The following CHRM3 variants were observed in gnomAD, a reference collection of about 807,000 sequenced individuals.
CHRM3 encodes muscarinic acetylcholine receptor M3.
Under a neutral mutation model 41.8 loss-of-function variants are expected in CHRM3, and 11 were observed. The ratio of observed to expected loss-of-function variants is 0.26; its 90% CI spans 0.17 to 0.44. CHRM3 has a LOEUF of 0.44. CHRM3 is among the 20% of genes least tolerant of loss of function. CHRM3 has a pLI of 1.00. For synonymous variants in CHRM3, 297 were observed against 301.4 expected (o/e 0.99, Z 0.15); for missense variants, 571 against 745.4 (o/e 0.77, Z 2.72).
chr1:239,904,945 T>C (rs1679856361), intron 6 of CHRM3, among the ~76,000 whole-genome samples: 1 of 152,240 alleles, frequency 6.6e-6, no homozygotes, highest in African/African-American at 2.4e-5. Context: ...ATAGGTATTA[T>C]GTGTATACAT....
At chr1:239,820,402 A>C (rs556577402) in intron 5 of CHRM3, among the ~76,000 whole-genome samples, 2 of 152,330 alleles carry the variant, frequency 1.3e-5, no homozygotes, top group East Asian at 3.9e-4. Context: ...GGTGTGTGAC[A>C]AAAAGTCTAT....
chr1:239,889,122 G>A (rs10802812), intron 6 of CHRM3, among the ~76,000 whole-genome samples: 49,543 of 152,010 alleles, frequency 0.33, 8,088 homozygotes, highest in South Asian at 0.37. Context: ...CTCTGCTGGA[G>A]AGAGGGGTCC....
chr1:239,657,355 T>C (rs1455178705), intron 4 of CHRM3, among the ~76,000 whole-genome samples: 1 of 152,198 alleles, frequency 6.6e-6, no homozygotes, highest in Non-Finnish European at 1.5e-5. Context: ...TTAATACTAT[T>C]TCACTCAGTT....
At chr1:239,881,790 C>A (rs1285066691) in intron 6 of CHRM3, among the ~76,000 whole-genome samples, 2 of 152,142 alleles carry the variant, frequency 1.3e-5, no homozygotes, top group Non-Finnish European at 2.9e-5. Context: ...TCCCTGCAAA[C>A]AGGGACAAAC....
chr1:239,823,922 C>T (rs771243808), intron 5 of CHRM3, among the ~76,000 whole-genome samples: 2 of 152,050 alleles, frequency 1.3e-5, no homozygotes, highest in Non-Finnish European at 2.9e-5. Context: ...TAATTGTGGG[C>T]GGAATTAGAT....
intron 2 of CHRM3, among the ~76,000 whole-genome samples, chr1:239,494,890 T>C (rs1194874623): frequency 1.3e-5 from 2 of 152,208 alleles, no homozygotes; most frequent in Non-Finnish European, 2.9e-5. Flanking sequence ...TTCCTTTTTA[T>C]GGCTGCATAG....
At chr1:239,519,527 C>A (rs535956883) in intron 2 of CHRM3, among the ~76,000 whole-genome samples, 1 of 152,164 alleles carries the variant, frequency 6.6e-6, no homozygotes, top group South Asian at 2.1e-4. Context: ...AGTTCTTTAA[C>A]TGGGTTAAGG....
intron 3 of CHRM3, among the ~76,000 whole-genome samples, chr1:239,617,479 C>G (rs1667761459): frequency 6.6e-6 from 1 of 152,154 alleles, no homozygotes; most frequent in African/African-American, 2.4e-5. Flanking sequence ...AATCCCAACA[C>G]TTTGAGAGGC....
chr1:239,675,622 T>C (rs1036572050), intron 4 of CHRM3, among the ~76,000 whole-genome samples: 2 of 152,228 alleles, frequency 1.3e-5, no homozygotes, highest in East Asian at 3.8e-4. Flanking sequence ...AAGCAATCAC[T>C]CTTCTTTAAA....
chr1:239,688,449 T>G (rs1659367531), intron 5 of CHRM3, among the ~76,000 whole-genome samples: 1 of 142,930 alleles, frequency 7.0e-6, no homozygotes, highest in African/African-American at 2.5e-5. Flanking sequence ...ATCATATTTA[T>G]AAATATATTA....
chr1:239,550,327 A>G (rs886874707), intron 3 of CHRM3, among the ~76,000 whole-genome samples: 3 of 152,186 alleles, frequency 2.0e-5, no homozygotes, highest in African/African-American at 7.2e-5. Context: ...TGCCTATATT[A>G]TAAATCATGC....
At chr1:239,731,456 A>T (rs1024446357) in intron 5 of CHRM3, among the ~76,000 whole-genome samples, 3 of 152,056 alleles carry the variant, frequency 2.0e-5, no homozygotes, top group African/African-American at 7.2e-5. Context: ...ATTCCAGTTG[A>T]TGATCTGTTC....
intron 4 of CHRM3, among the ~76,000 whole-genome samples, chr1:239,662,002 A>C (rs564359478): frequency 3.3e-5 from 5 of 152,120 alleles, no homozygotes; most frequent in African/African-American, 4.8e-5. Context: ...ATAAATAATA[A>C]AGCCTATTAA....
chr1:239,666,534 T>C (rs996911925), intron 4 of CHRM3, among the ~76,000 whole-genome samples: 21 of 152,210 alleles, frequency 1.4e-4, no homozygotes, highest in African/African-American at 4.8e-4. Context: ...TATCTCACAA[T>C]TATGTGTTCT....
intron 1 of CHRM3, among the ~76,000 whole-genome samples, chr1:239,406,760 C>G (rs186451928): frequency 6.6e-6 from 1 of 152,214 alleles, no homozygotes; most frequent in East Asian, 1.9e-4. Flanking sequence ...TTATTGACTT[C>G]CAAGGTAGCT....
intron 6 of CHRM3, among the ~76,000 whole-genome samples, chr1:239,900,408 A>G (rs912029167): frequency 7.1e-6 from 1 of 141,666 alleles, no homozygotes; most frequent in African/African-American, 2.8e-5. Flanking sequence ...AATCCTTATG[A>G]CCGGCTGATC....
At chr1:239,627,736 G>A (rs1375422542) in intron 3 of CHRM3, among the ~76,000 whole-genome samples, 2 of 139,196 alleles carry the variant, frequency 1.4e-5, no homozygotes, top group Non-Finnish European at 3.1e-5. Flanking sequence ...TGTCTATAAA[G>A]TATTTTATTT....
intron 6 of CHRM3, among the ~76,000 whole-genome samples, chr1:239,878,603 T>G (rs934666099): frequency 1.5e-5 from 2 of 137,658 alleles, no homozygotes; most frequent in Non-Finnish European, 3.0e-5. Flanking sequence ...TATTTTAAAT[T>G]TTTTTTTTTT....
At chr1:239,609,072 AGAT>A (rs1666694793) in intron 3 of CHRM3, among the ~76,000 whole-genome samples, 1 of 152,222 alleles carries the variant, frequency 6.6e-6, no homozygotes, top group African/African-American at 2.4e-5. Flanking sequence ...AACAAAAGCA[AGAT>A]GATGAGTGTG....
Sources: allele counts gnomAD v4.1 joint callset (sites outside exome capture counted in the v4.1 genomes callset), GRCh38; gene constraint gnomAD v4.1.1; transcripts MANE v1.5; gene names NCBI Gene and HGNC (gene_info 2026-07-23, HGNC 2026-07-21).